OSBPL10: variants seen among roughly 807,000 people sequenced by gnomAD.
The protein encoded by OSBPL10 is oxysterol-binding protein-related protein 10.
OSBPL10 carries 49 observed loss-of-function variants against 81.7 expected under a neutral mutation model. The observed-to-expected ratio is 0.60, with a 90% CI of 0.48 to 0.76. OSBPL10 has a LOEUF of 0.76. Ranked by LOEUF, OSBPL10 falls within the 30% of genes least tolerant of loss-of-function variation. The pLI is 0.00. For synonymous variants in OSBPL10, 419 were observed against 383.6 expected (o/e 1.09, Z -1.08); for missense variants, 923 against 987.8 (o/e 0.93, Z 0.88).
At chr3:31,694,197 C>T (rs997411005) in intron 7 of OSBPL10, among the ~76,000 whole-genome samples, 4 of 152,124 alleles carry the variant, frequency 2.6e-5, no homozygotes, top group Admixed American at 2.0e-4. Context: ...ATGGTGAAAC[C>T]TCATCTCTAC....
intron 2 of OSBPL10, among the ~76,000 whole-genome samples, chr3:32,021,144 C>T (rs1358664449): frequency 6.6e-6 from 1 of 152,116 alleles, no homozygotes. Flanking sequence ...AGCCCTGTGT[C>T]CAAGTATAAT....
intron 2 of OSBPL10, among the ~76,000 whole-genome samples, chr3:32,026,057 T>TGATAGATAGATAGATAGATGATA (rs1699406681): frequency 3.7e-4 from 41 of 111,342 alleles, no homozygotes; most frequent in Middle Eastern, 4.3e-3. Flanking sequence ...GATAGATAGA[T>TGATAGATAGATAGATAGATGATA]GATAGATAGA....
intron 1 of OSBPL10, among the ~76,000 whole-genome samples, chr3:32,056,570 C>T (rs992347351): frequency 1.2e-4 from 19 of 152,342 alleles, no homozygotes; most frequent in Middle Eastern, 6.8e-3. Flanking sequence ...TCAAGAGATA[C>T]GAATGGCCCT....
At chr3:31,805,450 C>T (rs1699496040) in intron 4 of OSBPL10, among the ~76,000 whole-genome samples, 1 of 152,124 alleles carries the variant, frequency 6.6e-6, no homozygotes, top group Non-Finnish European at 1.5e-5. Flanking sequence ...GAAAACTAGT[C>T]AATGCAACTA....
intron 4 of OSBPL10, among the ~76,000 whole-genome samples, chr3:31,799,156 G>A (rs1372042101): frequency 6.6e-6 from 1 of 151,974 alleles, no homozygotes; most frequent in Non-Finnish European, 1.5e-5. Flanking sequence ...CTATAACTCA[G>A]GTGATTCTTC....
chr3:31,732,006 T>C (rs1416741243), intron 6 of OSBPL10, among the ~76,000 whole-genome samples: 1 of 152,228 alleles, frequency 6.6e-6, no homozygotes, highest in African/African-American at 2.4e-5. Context: ...AAGTTGATTA[T>C]GTGATAGCCC....
intron 2 of OSBPL10, among the ~76,000 whole-genome samples, chr3:32,022,622 C>T (rs1699371153): frequency 6.6e-6 from 1 of 151,870 alleles, no homozygotes; most frequent in Non-Finnish European, 1.5e-5. Flanking sequence ...CCCATCTCTA[C>T]AAAAATACAC....
chr3:31,742,257 A>C (rs1697374712), intron 5 of OSBPL10, among the ~76,000 whole-genome samples: 1 of 152,212 alleles, frequency 6.6e-6, no homozygotes, highest in Non-Finnish European at 1.5e-5. Flanking sequence ...AAAGTACCGC[A>C]AAAGGAAGAA....
At chr3:31,744,786 G>GAAAAAA (rs1553620553) in intron 5 of OSBPL10, among the ~76,000 whole-genome samples, 2 of 146,978 alleles carry the variant, frequency 1.4e-5, no homozygotes, top group African/African-American at 5.1e-5. Flanking sequence ...TGAAAATTAG[G>GAAAAAA]AAAAAAAAAA....
chr3:31,797,394 G>C (rs1699256467), intron 4 of OSBPL10, among the ~76,000 whole-genome samples: 1 of 152,176 alleles, frequency 6.6e-6, no homozygotes, highest in Non-Finnish European at 1.5e-5. Flanking sequence ...ACTAATTCTT[G>C]GCTCTTAGAT....
At chr3:31,809,205 A>G (rs992045278) in intron 4 of OSBPL10, among the ~76,000 whole-genome samples, 1 of 152,256 alleles carries the variant, frequency 6.6e-6, no homozygotes, top group African/African-American at 2.4e-5. Context: ...CAAGAAAATC[A>G]TCAGCAAAAC....
chr3:32,054,883 A>C (rs9822128), intron 1 of OSBPL10, among the ~76,000 whole-genome samples: 6,191 of 152,184 alleles, frequency 0.041, 352 homozygotes, highest in African/African-American at 0.12. Flanking sequence ...CATTCACAGA[A>C]AATTGTTCTC....
In OSBPL10 at chr3:31,670,915, T is replaced by G; in HGVS notation, c.1795A>C (p.Ile599Leu). ...FTLPSAYARS[I>L]LTIPWVELGG... is the part of the protein sequence containing the mutation. ...AGCTCCACCCACGGGATGGTGAGAA[T>G]GGACCGGGCGTAGGCACTAGGCAGG... The change falls in exon 9 of 12, where the codon ATT (isoleucine) becomes CTT (leucine). Residue 599 changes from isoleucine (I) to leucine (L), a missense_variant. Around this residue, in one of 3 missense-constraint regions of OSBPL10, gnomAD observed 387 missense variants for 436.3 expected, o/e 0.89. Transcript: ENST00000396556. 6.2e-7 allele frequency: 1 copy of G among 1,614,140 alleles called. No individual in the cohort carries two copies. The highest frequency in any genetic ancestry group is 8.5e-7 in the Non-Finnish European group (1 of 1,180,008).
At chr3:31,884,695 T>C (rs1695682153) in intron 1 of OSBPL10, among the ~76,000 whole-genome samples, 1 of 152,192 alleles carries the variant, frequency 6.6e-6, no homozygotes, top group African/African-American at 2.4e-5. Flanking sequence ...CGGGCTTCAT[T>C]AAACCAAGTG....
intron 8 of OSBPL10, among the ~76,000 whole-genome samples, chr3:31,676,759 T>A (rs1700487324): frequency 1.3e-5 from 2 of 152,224 alleles, no homozygotes; most frequent in African/African-American, 4.8e-5. Context: ...GATTCAGGCA[T>A]TTTGAGGGAA....
chr3:31,965,698 A>ATTATATTATATAAATATATAATATAAT (rs1553644513), intron 1 of OSBPL10, among the ~76,000 whole-genome samples: 3 of 42,266 alleles, frequency 7.1e-5, no homozygotes, highest in African/African-American at 6.7e-4. Context: ...TAAAATATAT[A>ATTATATTATATAAATATATAATATAAT]ATATATTATA....
intron 6 of OSBPL10, among the ~76,000 whole-genome samples, chr3:31,727,496 G>A (rs1004782080): frequency 2.0e-5 from 3 of 152,102 alleles, no homozygotes; most frequent in Non-Finnish European, 2.9e-5. Context: ...TATCACCCAC[G>A]AAATTTACTT....
intron 2 of OSBPL10, among the ~76,000 whole-genome samples, chr3:32,041,621 GTTTCTTTC>G (rs891278030): frequency 7.3e-6 from 1 of 136,862 alleles, no homozygotes; most frequent in African/African-American, 2.5e-5. Context: ...ATACCACTGA[GTTTCTTTC>G]TTTCTTTCTC....
At position 32,033,265 on chromosome 3, in the gene OSBPL10, A is replaced by T. The variant is rs554124084; in HGVS notation, n.298+13226T>A. Among the ~76,000 whole-genome samples, 12 of 152,322 alleles carry T rather than the reference A, an allele frequency of 7.9e-5. No individual in the cohort carries two copies. In the South Asian group the frequency reaches 2.5e-3, roughly 32 times the overall value. On this transcript the variant is annotated intron_variant and non_coding_transcript_variant, in intron 2 of 3. Coordinates refer to the OSBPL10 transcript ENST00000479173. ...TATCTATATTAATCTTGTAAAATTAATTGTTGTCTTAACAGGAAGTCTTAT... is the reference window on the plus strand; with the variant it reads ...TATCTATATTAATCTTGTAAAATTATTTGTTGTCTTAACAGGAAGTCTTAT...
Sources: allele counts gnomAD v4.1 joint callset (sites outside exome capture counted in the v4.1 genomes callset), GRCh38; gene constraint gnomAD v4.1.1; regional missense constraint gnomAD v4.1.1; transcripts MANE v1.5; gene names NCBI Gene and HGNC (gene_info 2026-07-23, HGNC 2026-07-21).